Variants in SCAF1 observed in about 807,000 individuals in gnomAD.
The protein encoded by SCAF1 is SR-related CTD associated factor 1, also known as splicing factor, arginine/serine-rich 19.
A neutral mutation model predicts 91.2 loss-of-function variants in SCAF1; 28 were observed. The ratio of observed to expected loss-of-function variants is 0.31; its 90% CI spans 0.23 to 0.42. The LOEUF is 0.42. SCAF1 is among the 10% of genes least tolerant of loss of function. The pLI, the probability that SCAF1 is intolerant of heterozygous loss-of-function variation, is 1.00. For missense variants in SCAF1, 1,893 were observed against 1,872.1 expected (o/e 1.01, Z -0.21); for synonymous variants, 1,036 against 833.7 (o/e 1.24, Z -4.18).
At chr19:49,655,696 G>T (rs2081134813) in intron 9 of SCAF1, among the ~76,000 whole-genome samples, 3 of 151,972 alleles carry the variant, frequency 2.0e-5, no homozygotes, top group Admixed American at 6.6e-5. Flanking sequence ...ACAGGGTCTC[G>T]CTTTGTCACC....
Position 49,645,930 on chromosome 19 carries a change from C to T in SCAF1, c.167-178C>T, listed in dbSNP as rs1292515240. Among the ~76,000 whole-genome samples, 3 of 152,106 alleles carry T rather than the reference C, an allele frequency of 2.0e-5. No individual in the cohort carries two copies. Among genetic ancestry groups the T allele is most frequent in the Admixed American group, 2.0e-4 (3 of 15,266 alleles). Reference sequence around the variant, plus strand: ...GACAGGAGGACGAATGGCTGAGCGTCGCAGCCTCTGAAGTGGGTGCTGGGA... The same window carrying T: ...GACAGGAGGACGAATGGCTGAGCGTTGCAGCCTCTGAAGTGGGTGCTGGGA... On this transcript the variant is annotated intron_variant, in intron 3 of 10. Coordinates refer to ENST00000360565, the MANE Select transcript of SCAF1 (RefSeq NM_021228.3). The surrounding 1 kb of genome is among the most constrained non-coding windows in gnomAD (Gnocchi z 4.6).
intron 1 of SCAF1, 55 bp from the exon 2 acceptor site, chr19:49,644,966 C>A: frequency 1.5e-6 from 2 of 1,321,752 alleles, no homozygotes; most frequent in Non-Finnish European, 2.2e-6. Flanking sequence ...CTATCCTCTA[C>A]TTCCATCCTT....
chr19:49,647,805 G>T (rs1220025537), intron 6 of SCAF1, among the ~76,000 whole-genome samples: 1 of 150,408 alleles, frequency 6.6e-6, no homozygotes, highest in Non-Finnish European at 1.5e-5. Context: ...GCTAATTTTC[G>T]TAGTTTTAGT....
At position 49,650,937 on chromosome 19, in the gene SCAF1, G is replaced by C; in HGVS notation, c.548G>C (p.Gly183Ala). Residue 183 changes from glycine (G) to alanine (A), a missense_variant, in exon 7 of 11, where the codon GGC becomes GCC. By Grantham distance (60) the Gly-to-Ala change is moderately conservative (BLOSUM62 0). Around this residue, in one of 5 missense-constraint regions of SCAF1, gnomAD observed 270 missense variants for 292.5 expected, o/e 0.92. Transcript: ENST00000360565. ...CTCACCTTGGGCACGGGAGACGGGGGCCCTGCCCCACCCCCTGCCCCCTCC... is the reference window on the plus strand; with the variant it reads ...CTCACCTTGGGCACGGGAGACGGGGCCCCTGCCCCACCCCCTGCCCCCTCC... ...RHLTLGTGDG[G>A]PAPPPAPSSA... 1 of 1,599,498 alleles carries C rather than the reference G, an allele frequency of 6.3e-7. No homozygotes were observed. Among genetic ancestry groups the C allele is most frequent in the South Asian group, 1.1e-5 (1 of 89,094 alleles).
In SCAF1 at chr19:49,645,094, C is replaced by T; in HGVS notation, c.68C>T (p.Pro23Leu). Residue 23 changes from proline to leucine, a missense_variant, in exon 2 of 11, where the codon CCA (proline) becomes CTA (leucine). Physicochemically the swap from Pro to Leu is moderately conservative, Grantham distance 98. This residue lies in a region of SCAF1 where 270 missense variants were observed against 292.5 expected (regional missense o/e 0.92). Coordinates refer to ENST00000360565, the MANE Select transcript of SCAF1 (RefSeq NM_021228.3). The surrounding 1 kb of genome is among the most constrained non-coding windows in gnomAD (Gnocchi z 4.6). ...GGGGAGGATCGGGGCGATGGTCCGC[C>T]AGACAGAGACCCCACGCTTTCTCCT... ...ESGEDRGDGP[P>L]DRDPTLSPSA... 1 of 1,614,150 alleles carries T rather than the reference C, an allele frequency of 6.2e-7. No individual in the cohort carries two copies. Among genetic ancestry groups the T allele is most frequent in the Non-Finnish European group, 8.5e-7 (1 of 1,180,012 alleles).
Position 49,653,490 on chromosome 19 carries a change from A to G in SCAF1, c.3101A>G (p.Glu1034Gly). The change falls in exon 7 of 11, where the codon GAG becomes GGG. Residue 1034 changes from glutamate (E) to glycine (G), a missense_variant. Transcript: ENST00000360565. ...EEEEEEEEEE[E>G]EEEEEQQPAT... ...GAGGAAGAAGAAGAGGAGGAGGAAG[A>G]GGAAGAGGAGGAGGAGCAGCAGCCT... The G allele has an allele frequency of 6.4e-7, 1 of 1,560,212 alleles. No individual in the cohort carries two copies. Among genetic ancestry groups the G allele is most frequent in the Non-Finnish European group, 8.6e-7 (1 of 1,156,836 alleles).
chr19:49,654,940 G>A (rs571282540), intron 9 of SCAF1, 70 bp downstream of exon 9: 33 of 1,247,406 alleles, frequency 2.6e-5, no homozygotes, highest in African/African-American at 7.6e-5. Context: ...GAACTGAGAC[G>A]CGGGGGCCCA....
chr19:49,646,382 G>T lies in SCAF1; in HGVS notation c.262-144G>T. The T allele has an allele frequency of 1.2e-6, 1 of 835,310 alleles. No individual in the cohort carries two copies. 51.7% of individuals were successfully genotyped at this position (835,310 alleles called of 1,614,324 possible). The stretch of plus-strand genomic sequence containing the variant: ...TGGGCCTGAGCTTTGAGTGTTGATG[G>T]CAGTCAGGCTATAGGAATTAGATCC... On this transcript the variant is annotated intron_variant, in intron 4 of 10. Transcript: ENST00000360565. This position sits in a 1 kb window ranked among gnomAD's most constrained non-coding sequence, Gnocchi z 5.6.
At position 49,658,438 on chromosome 19, in the gene SCAF1, C is replaced by T. The variant is rs1169738616; in HGVS notation, c.*39C>T. Reference sequence around the variant, plus strand: ...CTCTTCGCCCCTCACCTCTTTGAAACTCTGGACGTATTTATGGCTCCACCT... The same window carrying T: ...CTCTTCGCCCCTCACCTCTTTGAAATTCTGGACGTATTTATGGCTCCACCT... On this transcript the variant is annotated 3_prime_UTR_variant, in exon 11 of 11. Transcript: ENST00000360565. The T allele has an allele frequency of 6.7e-6, 8 of 1,197,284 alleles. No individual in the cohort carries two copies. Among genetic ancestry groups the T allele is most frequent in the Non-Finnish European group, 5.8e-6 (5 of 857,554 alleles). The allele number at this position is 1,197,284 out of a possible 1,614,324, so 74.2% of individuals were successfully genotyped here.
In SCAF1 at chr19:49,646,385, G is replaced by C. The variant is rs1325889455; in HGVS notation, c.262-141G>C. 1 of 854,530 alleles carries C rather than the reference G, an allele frequency of 1.2e-6. No individual in the cohort carries two copies. The highest frequency in any genetic ancestry group is 1.9e-6 in the Non-Finnish European group (1 of 538,934). The allele number at this position is 854,530 out of a possible 1,614,324, so 52.9% of individuals were successfully genotyped here. ...GCCTGAGCTTTGAGTGTTGATGGCA[G>C]TCAGGCTATAGGAATTAGATCCTCA... On this transcript the variant is annotated intron_variant, in intron 4 of 10. Coordinates refer to ENST00000360565, the MANE Select transcript of SCAF1 (RefSeq NM_021228.3). This position sits in a 1 kb window ranked among gnomAD's most constrained non-coding sequence, Gnocchi z 5.6.
In SCAF1 at chr19:49,652,817, A is replaced by G. The variant is rs774716781; in HGVS notation, c.2428A>G (p.Lys810Glu). 7 of 1,613,912 alleles carry G rather than the reference A, an allele frequency of 4.3e-6. No homozygotes were observed. In the East Asian group the frequency reaches 1.3e-4, roughly 31 times the overall value. The change falls in exon 7 of 11, where the codon AAG becomes GAG. Residue 810 changes from lysine (K) to glutamate (E), a missense_variant. By Grantham distance (56) the Lys-to-Glu change is moderately conservative. Coordinates refer to ENST00000360565, the MANE Select transcript of SCAF1 (RefSeq NM_021228.3). ...ESAPSSGPPPKPPVSSGSGSS... is the reference protein window; with the variant it reads ...ESAPSSGPPPEPPVSSGSGSS... ...GGCGCCTTCCTCAGGGCCCCCGCCA[A>G]AGCCACCAGTCAGCAGCGGCTCAGG...
Position 49,658,305 on chromosome 19 carries a change from G to T in SCAF1, c.3845G>T (p.Arg1282Leu), listed in dbSNP as rs760624103. ...QRYRYFRKHG[R>L]KPGDPPGPPR... ...TACCGCTACTTCCGCAAGCACGGTC[G>T]CAAGCCAGGGGACCCCCCAGGGCCC... The change falls in exon 11 of 11, where the codon CGC becomes CTC. Residue 1282 changes from arginine to leucine, a missense_variant. This residue lies in a region of SCAF1 where 51 missense variants were observed against 49.9 expected (regional missense o/e 1.02). Coordinates refer to ENST00000360565, the MANE Select transcript of SCAF1 (RefSeq NM_021228.3). 1 of 1,608,182 alleles carries T rather than the reference G, an allele frequency of 6.2e-7. No individual in the cohort carries two copies. Among genetic ancestry groups the T allele is most frequent in the African/African-American group, 1.3e-5 (1 of 74,802 alleles).
chr19:49,655,617 C>T (rs1357574320), intron 9 of SCAF1, among the ~76,000 whole-genome samples: 2 of 152,148 alleles, frequency 1.3e-5, no homozygotes, highest in Admixed American at 6.5e-5. Context: ...CTGCCAGCCT[C>T]GGCCTCCCAA....
At chr19:49,644,935 G>A in intron 1 of SCAF1, 86 bp from the exon 2 acceptor site, 2 of 866,650 alleles carry the variant, frequency 2.3e-6, no homozygotes, top group Middle Eastern at 2.3e-4. Flanking sequence ...AGATAGTGTG[G>A]GGCCCTTGAG....
chr19:49,656,604 G>A (rs954072254), intron 9 of SCAF1, among the ~76,000 whole-genome samples: 1 of 152,216 alleles, frequency 6.6e-6, no homozygotes, highest in Admixed American at 6.5e-5. Flanking sequence ...TCTGCCTGAG[G>A]CCAGGGCTGC....
At chr19:49,656,730 C>A (rs1357838268) in intron 9 of SCAF1, among the ~76,000 whole-genome samples, 1 of 152,202 alleles carries the variant, frequency 6.6e-6, no homozygotes, top group Non-Finnish European at 1.5e-5. Context: ...CCTTTTCATC[C>A]CATGGCCATC....
rs1410492082 is a variant in SCAF1, at chr19:49,645,067, C to T, written c.41C>T (p.Ser14Leu). 3.7e-6 allele frequency: 6 copies of T among 1,614,010 alleles called. No homozygotes were observed. Among genetic ancestry groups the T allele is most frequent in the Non-Finnish European group, 5.1e-6 (6 of 1,179,996 alleles). The change falls in exon 2 of 11, where the codon TCG becomes TTG. Residue 14 changes from serine (S) to leucine (L), a missense_variant. Physicochemically the swap from Ser to Leu is moderately radical, Grantham distance 145. Around this residue, in one of 5 missense-constraint regions of SCAF1, gnomAD observed 270 missense variants for 292.5 expected, o/e 0.92. Transcript: ENST00000360565. The surrounding 1 kb of genome is among the most constrained non-coding windows in gnomAD (Gnocchi z 4.6). ...GAGTCTCGAGGGAAGACAGAGGAGT[C>T]GGGGGAGGATCGGGGCGATGGTCCG... is the stretch of plus-strand genomic sequence containing the variant. ...EDESRGKTEE[S>L]GEDRGDGPPD...
intron 6 of SCAF1, among the ~76,000 whole-genome samples, chr19:49,650,346 G>C (rs1339313857): frequency 1.3e-5 from 2 of 152,184 alleles, no homozygotes; most frequent in African/African-American, 4.8e-5. Flanking sequence ...CAGCAGGCCA[G>C]AGCTTGTTTT....
At position 49,646,634 on chromosome 19, in the gene SCAF1, G is replaced by T. The variant is rs1259166653; in HGVS notation, c.362+8G>T. On this transcript the variant is annotated splice_region_variant and intron_variant, in intron 5 of 10. Coordinates refer to ENST00000360565, the MANE Select transcript of SCAF1 (RefSeq NM_021228.3). This position sits in a 1 kb window ranked among gnomAD's most constrained non-coding sequence, Gnocchi z 5.6. ...GGACCTGCGGCCTGGCGAGTGAGTA[G>T]CTGGGCAGCTGGAGTGGGAGAGGCC... 1.9e-6 allele frequency: 3 copies of T among 1,613,910 alleles called. No individual in the cohort carries two copies. The highest frequency in any genetic ancestry group is 8.5e-7 in the Non-Finnish European group (1 of 1,179,946).
Sources: gnomAD v4.1 joint callset for allele counts (sites outside exome capture counted in the v4.1 genomes callset) on GRCh38, gnomAD v4.1.1 for gene constraint, gnomAD v4.1.1 regional missense constraint, Gnocchi (gnomAD v3.1) non-coding constraint, MANE v1.5 for transcripts, NCBI Gene and HGNC (gene_info 2026-07-23, HGNC 2026-07-21) for gene names.